The following TBC1D13 variants were observed in gnomAD, a reference collection of about 807,000 sequenced individuals.
TBC1D13 encodes the protein TBC1 domain family member 13, also known as epididymis secretory sperm binding protein.
TBC1D13 carries 40 observed loss-of-function variants against 53.6 expected under a neutral mutation model. The ratio of observed to expected loss-of-function variants is 0.75; its 90% CI spans 0.58 to 0.97. The LOEUF (loss-of-function observed/expected upper bound fraction) is 0.97. Ranked by LOEUF, TBC1D13 falls within the 50% of genes least tolerant of loss-of-function variation. The pLI, the probability that TBC1D13 is intolerant of heterozygous loss-of-function variation, is 0.00. For synonymous variants in TBC1D13, 182 were observed against 197.7 expected (o/e 0.92, Z 0.67); for missense variants, 377 against 499.4 (o/e 0.75, Z 2.34).
In TBC1D13 at chr9:128,793,591, A is replaced by G. The variant is rs1003339972; in HGVS notation, c.383+1017A>G. 5.9e-5 allele frequency among the ~76,000 whole-genome samples: 9 copies of G among 152,218 alleles called. 1 individual carries two copies. The highest frequency in any genetic ancestry group is 5.9e-4 in the Admixed American group (9 of 15,278). On this transcript the variant is annotated intron_variant, in intron 6 of 11. Transcript: ENST00000372648. ...AAGTAGGAGTAAGGTGGTTCAGGCT[A>G]AGGGCACAGAACGGGCTGGGTCTCC...
At chr9:128,798,018 C>T (rs979136331) in intron 7 of TBC1D13, among the ~76,000 whole-genome samples, 8 of 151,980 alleles carry the variant, frequency 5.3e-5, no homozygotes, top group South Asian at 2.1e-4. Context: ...TTTGGGTGGC[C>T]GAGGTGGGTG....
intron 6 of TBC1D13, 82 bp downstream of exon 6, chr9:128,792,656 C>A: frequency 7.6e-7 from 1 of 1,315,000 alleles, no homozygotes; most frequent in Non-Finnish European, 1.1e-6. Context: ...ATTTGCAGGC[C>A]GGGCCTATGG....
Position 128,803,295 on chromosome 9 carries a change from T to G in TBC1D13, c.589T>G (p.Tyr197Asp). The change falls in exon 8 of 12, where the codon TAT becomes GAT. Residue 197 changes from tyrosine (Y) to aspartate (D), a missense_variant. Coordinates refer to ENST00000372648, the MANE Select transcript of TBC1D13 (RefSeq NM_018201.5). ...KNSVPSSLNE[Y>D]EVLPNGCEAH... ...CTCTGTGCCATCATCCCTAAATGAG[T>G]ATGAGGTGCTGCCCAATGGCTGTGA... The G allele has an allele frequency of 6.2e-7, 1 of 1,614,078 alleles. No individual in the cohort carries two copies. Among genetic ancestry groups the G allele is most frequent in the Non-Finnish European group, 8.5e-7 (1 of 1,180,018 alleles).
chr9:128,800,515 C>T (rs780753983), intron 7 of TBC1D13, among the ~76,000 whole-genome samples: 3 of 151,810 alleles, frequency 2.0e-5, no homozygotes, highest in South Asian at 2.1e-4. Context: ...GGATCATCGG[C>T]GCGTGCCACC....
At chr9:128,792,246 G>T (rs754522622) in intron 5 of TBC1D13, among the ~76,000 whole-genome samples, 2 of 152,236 alleles carry the variant, frequency 1.3e-5, no homozygotes, top group Admixed American at 1.3e-4. Flanking sequence ...CAGAGTCCCT[G>T]CCCAGCAGAG....
chr9:128,806,772 G>A (rs1043856257), intron 11 of TBC1D13, among the ~76,000 whole-genome samples: 6 of 152,068 alleles, frequency 3.9e-5, no homozygotes, highest in South Asian at 2.1e-4. Flanking sequence ...GCGAAACCCC[G>A]TCTCTACTAA....
In TBC1D13 at chr9:128,788,206, G is replaced by A. The variant is rs1829463796; in HGVS notation, c.24-128G>A. On this transcript the variant is annotated intron_variant, in intron 1 of 11. Transcript: ENST00000372648. ...TTGGTGAGGACCTTGACTAAGCTGT[G>A]TGATTTTTATGTCCTAAAGGGGAGA... 6 of 753,414 alleles carry A rather than the reference G, an allele frequency of 8.0e-6. No homozygotes were observed. The South Asian group carries it at 9.9e-5, about 12-fold the overall frequency. The allele number at this position is 753,414 out of a possible 1,614,324, so 46.7% of individuals were successfully genotyped here.
Position 128,787,447 on chromosome 9 carries a change from G to A in TBC1D13, c.23+71G>A, listed in dbSNP as rs1006360157. 2.4e-6 allele frequency: 3 copies of A among 1,242,604 alleles called. No individual in the cohort carries two copies. In the African/African-American group the frequency reaches 4.7e-5, roughly 19 times the overall value. 77.0% of individuals were successfully genotyped at this position (1,242,604 alleles called of 1,614,324 possible). On this transcript the variant is annotated intron_variant, in intron 1 of 11. Transcript: ENST00000372648. ...GCTGCCCCTTCTGCCCCTCAGAAGG[G>A]GGAAGCGCGGGTGTGGCCAGGAATC...
chr9:128,804,041 G>A lies in TBC1D13; in HGVS notation c.840G>A (p.Ser280=), dbSNP rs373890081. Residue 280 remains serine (S), a synonymous_variant, in exon 9 of 12, where the codon TCG becomes TCA. Coordinates refer to ENST00000372648, the MANE Select transcript of TBC1D13 (RefSeq NM_018201.5). ...ACTTTATCAAGAGCCTGGATGACTCGCAGTGTGGCATCACCTACAAGATGG... is the reference window on the plus strand; with the variant it reads ...ACTTTATCAAGAGCCTGGATGACTCACAGTGTGGCATCACCTACAAGATGG... ...RDNFIKSLDD[S]QCGITYKMEK... is the part of the protein sequence containing the mutation. The A allele has an allele frequency of 7.4e-5, 119 of 1,614,060 alleles. No homozygotes were observed. The highest frequency in any genetic ancestry group is 2.3e-4 in the African/African-American group (17 of 75,032).
chr9:128,801,236 C>T (rs1043181053), intron 7 of TBC1D13, among the ~76,000 whole-genome samples: 2 of 151,972 alleles, frequency 1.3e-5, no homozygotes, highest in African/African-American at 4.8e-5. Context: ...ACCATGAGTC[C>T]ATAATATCAC....
At position 128,790,738 on chromosome 9, in the gene TBC1D13, TC is replaced by T; in HGVS notation, c.105del (p.Cys36ValfsTer14). 1.3e-6 allele frequency: 2 copies of T among 1,551,914 alleles called. No individual in the cohort carries two copies. Among genetic ancestry groups the T allele is most frequent in the East Asian group, 2.5e-5 (1 of 40,150 alleles). ...EKLRELSFSG[I>X]PCEGGLRCLC... is the part of the protein sequence containing the mutation. ...CCTTTGCCTGCTGTGTCCACAGGCA[TC>T]CCCTGTGAGGGCGGACTGCGGTGCC... On this transcript the variant is annotated frameshift_variant, in exon 3 of 12. Transcript: ENST00000372648. LOFTEE classifies it high-confidence loss of function.
intron 7 of TBC1D13, among the ~76,000 whole-genome samples, chr9:128,799,282 T>G (rs1001920273): frequency 1.3e-5 from 2 of 152,228 alleles, no homozygotes; most frequent in African/African-American, 4.8e-5. Context: ...TTGGTCCTGG[T>G]AGCAGAGAAC....
rs748046224 is a variant in TBC1D13 at position 128,791,361 on chromosome 9, C to T, written c.139-19C>T. 2.5e-6 allele frequency: 4 copies of T among 1,613,516 alleles called. No homozygotes were observed. Among genetic ancestry groups the T allele is most frequent in the South Asian group, 1.1e-5 (1 of 91,080 alleles). On this transcript the variant is annotated intron_variant, in intron 3 of 11. Coordinates refer to ENST00000372648, the MANE Select transcript of TBC1D13 (RefSeq NM_018201.5). ...GTGCAGGAGGGTCACCAGAGCTTTGCCCTTCTCCCTCTGTGCAGATTCTCT... is the reference window on the plus strand; with the variant it reads ...GTGCAGGAGGGTCACCAGAGCTTTGTCCTTCTCCCTCTGTGCAGATTCTCT...
intron 7 of TBC1D13, 71 bp from the exon 8 acceptor site, chr9:128,803,179 C>G: frequency 6.9e-7 from 1 of 1,439,744 alleles, no homozygotes; most frequent in Non-Finnish European, 9.7e-7. Context: ...TCCCAAAGTG[C>G]TGGGATTTCA....
chr9:128,796,563 T>A (rs1829634906), intron 6 of TBC1D13, among the ~76,000 whole-genome samples: 1 of 152,092 alleles, frequency 6.6e-6, no homozygotes, highest in Non-Finnish European at 1.5e-5. Context: ...TTTTTGTATT[T>A]TTAATAGAGG....
At chr9:128,804,200 C>G (rs111397413) in intron 9 of TBC1D13, 81 bp downstream of exon 9, 48 of 1,521,868 alleles carry the variant, frequency 3.2e-5, no homozygotes, top group Non-Finnish European at 4.2e-5. Flanking sequence ...GGCGAGGTCT[C>G]GCTTGAGTCT....
chr9:128,802,574 T>C (rs573274501), intron 7 of TBC1D13, among the ~76,000 whole-genome samples: 21 of 152,176 alleles, frequency 1.4e-4, no homozygotes, highest in Admixed American at 7.2e-4. Flanking sequence ...ATTTGTTGTA[T>C]TGCAGAATGT....
intron 7 of TBC1D13, 35 bp downstream of exon 7, chr9:128,797,249 CA>C (rs766481735): frequency 3.7e-6 from 6 of 1,606,972 alleles, no homozygotes; most frequent in Admixed American, 3.4e-5. Flanking sequence ...GGGACTCCCC[CA>C]ACAGTATTTT....
At chr9:128,806,127 G>T (rs963251068) in intron 10 of TBC1D13, 108 bp downstream of exon 10, 6 of 1,584,860 alleles carry the variant, frequency 3.8e-6, no homozygotes, top group Admixed American at 1.7e-5. Flanking sequence ...TTTCATGGCT[G>T]GAGTGGGATT....
Sources: gnomAD v4.1 joint callset for allele counts (sites outside exome capture counted in the v4.1 genomes callset) on GRCh38, gnomAD v4.1.1 for gene constraint, MANE v1.5 for transcripts, NCBI Gene and HGNC (gene_info 2026-07-23, HGNC 2026-07-21) for gene names.